ANKH: variants seen among roughly 807,000 people sequenced by gnomAD.
ANKH encodes ANKH inorganic pyrophosphate transport regulator.
ANKH carries 15 observed loss-of-function variants against 49.0 expected under a neutral mutation model. The observed-to-expected ratio is 0.31, with a 90% CI of 0.20 to 0.47. The LOEUF (loss-of-function observed/expected upper bound fraction) is 0.47. ANKH is among the 20% of genes least tolerant of loss of function. The pLI is 1.00. For synonymous variants in ANKH, 273 were observed against 260.0 expected, an observed-to-expected ratio of 1.05 and a Z score of -0.48; for missense variants, 429 against 652.0, an observed-to-expected ratio of 0.66 and a Z score of 3.72.
intron 1 of ANKH, among the ~76,000 whole-genome samples, chr5:14,778,909 T>C (rs1031705692): frequency 9.2e-5 from 14 of 152,306 alleles, no homozygotes; most frequent in Middle Eastern, 3.4e-3. Context: ...CAACGCCCCC[T>C]GCATGCTGTC....
intron 1 of ANKH, among the ~76,000 whole-genome samples, chr5:14,853,857 T>C (rs1414222297): frequency 2.6e-5 from 4 of 152,210 alleles, no homozygotes; most frequent in Non-Finnish European, 5.9e-5. Flanking sequence ...GTCTACTCCC[T>C]ACTGTTTACA....
At chr5:14,759,358 C>T (rs1346249549) in intron 2 of ANKH, among the ~76,000 whole-genome samples, 1 of 152,118 alleles carries the variant, frequency 6.6e-6, no homozygotes, top group East Asian at 1.9e-4. Flanking sequence ...GAAAGGTCTC[C>T]TAATGTATTA....
Position 14,725,081 on chromosome 5 carries a change from C to T in ANKH, c.1012-8246G>A, listed in dbSNP as rs1166122658. ...TATACCTTTTTAATTGGGTTGAAGTCCCCACCGGGCAAGCCAGTGGTTAGC... is the reference window on the plus strand; with the variant it reads ...TATACCTTTTTAATTGGGTTGAAGTTCCCACCGGGCAAGCCAGTGGTTAGC... On this transcript the variant is annotated intron_variant, in intron 8 of 11. Coordinates refer to ENST00000284268, the MANE Select transcript of ANKH (RefSeq NM_054027.6). The surrounding 1 kb of genome is among the most constrained non-coding windows in gnomAD (Gnocchi z 4.0). Among the ~76,000 whole-genome samples, 2 of 152,114 alleles carry T rather than the reference C, an allele frequency of 1.3e-5. No homozygotes were observed. The highest frequency in any genetic ancestry group is 6.5e-5 in the Admixed American group (1 of 15,278).
At chr5:14,724,322 C>CAAA (rs1737758543) in intron 8 of ANKH, among the ~76,000 whole-genome samples, 1 of 151,810 alleles carries the variant, frequency 6.6e-6, no homozygotes. Flanking sequence ...TGTCTCAAAA[C>CAAA]AACAACAACA....
chr5:14,761,165 CT>C (rs1039784091), intron 2 of ANKH, among the ~76,000 whole-genome samples: 5 of 152,180 alleles, frequency 3.3e-5, no homozygotes, highest in African/African-American at 1.2e-4. Flanking sequence ...GGGGAGAGGC[CT>C]AGATGACAGT....
chr5:14,753,597 A>G (rs1318044210), intron 4 of ANKH, among the ~76,000 whole-genome samples: 1 of 152,218 alleles, frequency 6.6e-6, no homozygotes, highest in African/African-American at 2.4e-5. Context: ...TCTCACCTTG[A>G]TATCAAGCAA....
rs766251673 is a variant in ANKH at position 14,711,192 on chromosome 5, G to T, written c.*5C>A. 3.1e-6 allele frequency: 5 copies of T among 1,611,250 alleles called. No individual in the cohort carries two copies. In the African/African-American group the frequency reaches 6.7e-5, roughly 22 times the overall value. On this transcript the variant is annotated 3_prime_UTR_variant, in exon 12 of 12. Coordinates refer to ENST00000284268, the MANE Select transcript of ANKH (RefSeq NM_054027.6). ...GTCCCTGCAGTGCCCATGGCGTCCCGTGCCTTATTCATTCTCCTCTCTCAT... is the reference window on the plus strand; with the variant it reads ...GTCCCTGCAGTGCCCATGGCGTCCCTTGCCTTATTCATTCTCCTCTCTCAT...
intron 1 of ANKH, among the ~76,000 whole-genome samples, chr5:14,835,710 C>T (rs548171570): frequency 2.0e-5 from 3 of 152,310 alleles, no homozygotes; most frequent in Non-Finnish European, 4.4e-5. Flanking sequence ...GGTACCATTC[C>T]TTCTGAAACT....
At chr5:14,728,243 G>A (rs558282219) in intron 8 of ANKH, among the ~76,000 whole-genome samples, 1 of 152,372 alleles carries the variant, frequency 6.6e-6, no homozygotes, top group African/African-American at 2.4e-5. Flanking sequence ...GGAGGACACA[G>A]GGCCTACAGG....
chr5:14,788,893 C>T (rs1416474259), intron 1 of ANKH, among the ~76,000 whole-genome samples: 1 of 152,200 alleles, frequency 6.6e-6, no homozygotes, highest in Non-Finnish European at 1.5e-5. Context: ...AGGTGCTTCA[C>T]ATGCCTTAGT....
At chr5:14,844,709 T>G (rs1317278817) in intron 1 of ANKH, among the ~76,000 whole-genome samples, 1 of 152,252 alleles carries the variant, frequency 6.6e-6, no homozygotes, top group Non-Finnish European at 1.5e-5. Context: ...CAGTGGTACA[T>G]GCGGAGCTGT....
Position 14,761,142 on chromosome 5 carries a change from C to T in ANKH, c.314-2544G>A, listed in dbSNP as rs139592525. 5.3e-5 allele frequency among the ~76,000 whole-genome samples: 8 copies of T among 152,306 alleles called. No homozygotes were observed. The East Asian group carries it at 1.4e-3, about 26-fold the overall frequency. ...AGGAATGCCAAAGATTGCCAGCAAA[C>T]ACCCAGAAGCTAGGGGAGAGGCCTA... On this transcript the variant is annotated intron_variant, in intron 2 of 11. Coordinates refer to ENST00000284268, the MANE Select transcript of ANKH (RefSeq NM_054027.6).
At position 14,834,163 on chromosome 5, in the gene ANKH, T is replaced by C. The variant is rs1026676002; in HGVS notation, c.96+37189A>G. ...TGGTAAAGAACAAGAGCTCTACCCT[T>C]AGACTGTCTGGGCACAGACAAGAGC... is the stretch of plus-strand genomic sequence containing the variant. On this transcript the variant is annotated intron_variant, in intron 1 of 11. Transcript: ENST00000284268. Among the ~76,000 whole-genome samples the C allele has an allele frequency of 2.6e-5, 4 of 152,254 alleles. No individual in the cohort carries two copies. In the East Asian group the frequency reaches 7.7e-4, roughly 29 times the overall value.
chr5:14,840,039 T>C (rs1741772098), intron 1 of ANKH, among the ~76,000 whole-genome samples: 1 of 152,224 alleles, frequency 6.6e-6, no homozygotes, highest in African/African-American at 2.4e-5. Context: ...AATCATCCGA[T>C]AATAAGCAAA....
intron 1 of ANKH, among the ~76,000 whole-genome samples, chr5:14,799,973 T>C (rs1468781861): frequency 6.6e-6 from 1 of 152,158 alleles, no homozygotes; most frequent in African/African-American, 2.4e-5. Flanking sequence ...GAAGTCACCA[T>C]TCTAGATGCC....
intron 1 of ANKH, among the ~76,000 whole-genome samples, chr5:14,772,134 G>T (rs1739466809): frequency 1.3e-5 from 2 of 152,024 alleles, no homozygotes; most frequent in Non-Finnish European, 2.9e-5. Flanking sequence ...TCTAGGCTGT[G>T]GTCCCTACAT....
intron 1 of ANKH, among the ~76,000 whole-genome samples, chr5:14,792,872 G>C (rs536177702): frequency 6.7e-6 from 1 of 149,644 alleles, no homozygotes; most frequent in South Asian, 2.1e-4. Flanking sequence ...AGCTACTCGG[G>C]AGGCTGAGGC....
At chr5:14,819,050 C>G (rs1182473180) in intron 1 of ANKH, among the ~76,000 whole-genome samples, 3 of 152,146 alleles carry the variant, frequency 2.0e-5, no homozygotes, top group African/African-American at 7.2e-5. Context: ...GCACCAAAGG[C>G]TCAACTCTGA....
At position 14,751,155 on chromosome 5, in the gene ANKH, C is replaced by T. The variant is rs1190164920; in HGVS notation, c.601G>A (p.Ala201Thr). ...CACAGGGTGGTGCAGCGCACAAGTG[C>T]GCCCATGTACAAGGAGAGGATCGGG... ...LIPILSLYMG[A>T]LVRCTTLCLG... is the part of the protein sequence containing the mutation. The change falls in exon 5 of 12, where the codon GCA (alanine) becomes ACA (threonine). Residue 201 changes from alanine (A) to threonine (T), a missense_variant. By Grantham distance (58) the Ala-to-Thr change is moderately conservative. This residue lies in a region of ANKH where 378 missense variants were observed against 615.3 expected (regional missense o/e 0.61). Coordinates refer to ENST00000284268, the MANE Select transcript of ANKH (RefSeq NM_054027.6). 18 of 1,614,076 alleles carry T rather than the reference C, an allele frequency of 1.1e-5. No individual in the cohort carries two copies. The highest frequency in any genetic ancestry group is 2.7e-5 in the African/African-American group (2 of 74,936).
Sources: allele counts gnomAD v4.1 joint callset (sites outside exome capture counted in the v4.1 genomes callset), GRCh38; gene constraint gnomAD v4.1.1; regional missense constraint gnomAD v4.1.1; non-coding constraint Gnocchi (gnomAD v3.1); transcripts MANE v1.5; gene names NCBI Gene and HGNC (gene_info 2026-07-23, HGNC 2026-07-21).